The following BRINP3 variants were observed in gnomAD, a reference collection of about 807,000 sequenced individuals.
The protein encoded by BRINP3 is BMP/retinoic acid-inducible neural-specific protein 3.
In BRINP3, 19 loss-of-function variants were observed where a neutral mutation model predicts 71.0. The observed-to-expected ratio is 0.27, with a 90% CI of 0.19 to 0.39. The LOEUF is 0.39. Among genes scored for constraint, BRINP3 ranks in the 10% least tolerant of loss-of-function variants. The probability of loss-of-function intolerance (pLI) is 1.00; values close to 1 mark genes in which losing one functional copy is unlikely to be tolerated. For synonymous variants in BRINP3, 380 were observed against 337.7 expected, an observed-to-expected ratio of 1.13 and a Z score of -1.37; for missense variants, 959 against 940.8, an observed-to-expected ratio of 1.02 and a Z score of -0.25.
At chr1:190,210,011 A>T (rs1655848958) in intron 6 of BRINP3, among the ~76,000 whole-genome samples, 1 of 152,098 alleles carries the variant, frequency 6.6e-6, no homozygotes, top group African/African-American at 2.4e-5. Flanking sequence ...AGTTAAATTT[A>T]TATACACATG....
intron 1 of BRINP3, chr1:190,476,130 G>A (rs1677485880): frequency 6.6e-6 from 1 of 152,024 alleles, no homozygotes. Context: ...GGGATGGGGC[G>A]ACGCTGCAGC....
At chr1:190,468,546 T>C (rs1676917831) in intron 1 of BRINP3, among the ~76,000 whole-genome samples, 1 of 151,260 alleles carries the variant, frequency 6.6e-6, no homozygotes, top group Non-Finnish European at 1.5e-5. Context: ...GAGTTCACTC[T>C]AAAAGGAAAC....
intron 2 of BRINP3, among the ~76,000 whole-genome samples, chr1:190,436,568 T>C (rs1187621171): frequency 6.6e-6 from 1 of 151,860 alleles, no homozygotes; most frequent in African/African-American, 2.4e-5. Context: ...ATAGCAAATA[T>C]GTGGGTCATA....
chr1:190,291,203 A>C (rs956013566), intron 2 of BRINP3, among the ~76,000 whole-genome samples: 1 of 152,092 alleles, frequency 6.6e-6, no homozygotes, highest in Non-Finnish European at 1.5e-5. Flanking sequence ...TTCTTAAAAG[A>C]TGAATTGTAG....
intron 2 of BRINP3, among the ~76,000 whole-genome samples, chr1:190,317,419 T>A (rs183138057): frequency 6.6e-6 from 1 of 152,210 alleles, no homozygotes; most frequent in Non-Finnish European, 1.5e-5. Context: ...AGAAAGTTCT[T>A]CAAATTTTTG....
intron 7 of BRINP3, among the ~76,000 whole-genome samples, chr1:190,139,066 A>G (rs938915403): frequency 1.3e-5 from 2 of 152,162 alleles, no homozygotes; most frequent in Non-Finnish European, 2.9e-5. Context: ...CTTTGGATTT[A>G]GAAAGAATAT....
intron 2 of BRINP3, among the ~76,000 whole-genome samples, chr1:190,438,481 A>G (rs1349907883): frequency 6.6e-6 from 1 of 151,678 alleles, no homozygotes; most frequent in Non-Finnish European, 1.5e-5. Flanking sequence ...TAACTTCCTG[A>G]CTCTGACTTT....
intron 1 of BRINP3, among the ~76,000 whole-genome samples, chr1:190,466,633 T>C (rs1676769698): frequency 6.6e-6 from 1 of 151,656 alleles, no homozygotes; most frequent in East Asian, 1.9e-4. Context: ...GTGTTACAAA[T>C]ATTATTAGTA....
intron 6 of BRINP3, among the ~76,000 whole-genome samples, chr1:190,210,886 C>T (rs892599064): frequency 4.6e-5 from 7 of 152,060 alleles, no homozygotes; most frequent in East Asian, 1.9e-4. Context: ...CAGAAGAATG[C>T]GGAAGGACTA....
intron 3 of BRINP3, among the ~76,000 whole-genome samples, chr1:190,271,713 C>T (rs928949213): frequency 1.3e-5 from 2 of 151,442 alleles, no homozygotes; most frequent in African/African-American, 2.4e-5. Context: ...CAGATAAATG[C>T]TTTTCAGATA....
intron 2 of BRINP3, among the ~76,000 whole-genome samples, chr1:190,353,075 A>G (rs1260221401): frequency 6.6e-6 from 1 of 151,768 alleles, no homozygotes; most frequent in Non-Finnish European, 1.5e-5. Context: ...TCATTTATTA[A>G]GCATTTTAAC....
intron 7 of BRINP3, among the ~76,000 whole-genome samples, chr1:190,127,608 T>C (rs1654195557): frequency 6.6e-6 from 1 of 151,898 alleles, no homozygotes; most frequent in Non-Finnish European, 1.5e-5. Context: ...CACATCAAAC[T>C]AACCGTCACT....
At chr1:190,341,576 A>G (rs1296034793) in intron 2 of BRINP3, among the ~76,000 whole-genome samples, 1 of 151,868 alleles carries the variant, frequency 6.6e-6, no homozygotes, top group African/African-American at 2.4e-5. Context: ...ATCTATGAGT[A>G]AAGACCACAC....
intron 1 of BRINP3, among the ~76,000 whole-genome samples, chr1:190,468,984 C>T (rs1000317142): frequency 5.3e-5 from 8 of 150,812 alleles, no homozygotes; most frequent in East Asian, 1.9e-4. Context: ...CTTTGAGTTA[C>T]TCCAAATTAC....
At chr1:190,307,554 A>C (rs1665203306) in intron 2 of BRINP3, among the ~76,000 whole-genome samples, 2 of 151,980 alleles carry the variant, frequency 1.3e-5, no homozygotes, top group African/African-American at 4.8e-5. Flanking sequence ...GCATAGATGC[A>C]CTTAATATAT....
chr1:190,438,199 T>G (rs982753253), intron 2 of BRINP3, among the ~76,000 whole-genome samples: 1 of 151,670 alleles, frequency 6.6e-6, no homozygotes, highest in South Asian at 2.1e-4. Context: ...TCTTTAATCA[T>G]TGTACAATAT....
At chr1:190,470,567 G>T (rs527518029) in intron 1 of BRINP3, among the ~76,000 whole-genome samples, 1 of 150,960 alleles carries the variant, frequency 6.6e-6, no homozygotes, top group Non-Finnish European at 1.5e-5. Flanking sequence ...AAAATAGGTT[G>T]CACTGAGGGT....
chr1:190,380,607 C>G (rs1670485123), intron 2 of BRINP3, among the ~76,000 whole-genome samples: 1 of 152,044 alleles, frequency 6.6e-6, no homozygotes, highest in Non-Finnish European at 1.5e-5. Flanking sequence ...GGCAAGGAAA[C>G]ATTGAAATGA....
chr1:190,251,348 C>G (rs1660124602), intron 4 of BRINP3, among the ~76,000 whole-genome samples: 1 of 151,950 alleles, frequency 6.6e-6, no homozygotes. Context: ...CCCTATTTTC[C>G]TGACAACCTT....
Sources: allele counts gnomAD v4.1 joint callset (sites outside exome capture counted in the v4.1 genomes callset), GRCh38; gene constraint gnomAD v4.1.1; transcripts MANE v1.5; gene names NCBI Gene and HGNC (gene_info 2026-07-23, HGNC 2026-07-21).